KNTC1: variants seen among roughly 807,000 people sequenced by gnomAD.
KNTC1 encodes kinetochore associated 1, also known as kinetochore-associated protein 1.
In KNTC1, 253 loss-of-function variants were observed where a neutral mutation model predicts 314.4. The ratio of observed to expected loss-of-function variants is 0.80; its 90% CI spans 0.73 to 0.89. KNTC1 has a LOEUF of 0.89. KNTC1 is among the 40% of genes least tolerant of loss of function. The pLI is 0.00. For missense variants in KNTC1, 2,475 were observed against 2,572.9 expected, an observed-to-expected ratio of 0.96 and a Z score of 0.82; for synonymous variants, 901 against 901.4, an observed-to-expected ratio of 1.00 and a Z score of 0.01.
In KNTC1 at chr12:122,551,628, C is replaced by T. The variant is rs770439701; in HGVS notation, c.1204C>T (p.Arg402Trp). 1.2e-6 allele frequency: 2 copies of T among 1,613,396 alleles called. No homozygotes were observed. Among genetic ancestry groups the T allele is most frequent in the Non-Finnish European group, 1.7e-6 (2 of 1,179,534 alleles). Reference protein sequence around the residue: ...TEALPENRLSRLLHKHRFAEA... With the variant: ...TEALPENRLSWLLHKHRFAEA... ...TCTCTTCCAACTTAACAGATTGAGT[C>T]GGTTACTTCACAAACACAGATTTGC... Residue 402 changes from arginine to tryptophan, a missense_variant, in exon 16 of 64, where the codon CGG becomes TGG. Coordinates refer to ENST00000333479, the MANE Select transcript of KNTC1 (RefSeq NM_014708.6).
At position 122,580,708 on chromosome 12, in the gene KNTC1, C is replaced by T. The variant is rs374186629; in HGVS notation, c.2982+38C>T. 4.9e-5 allele frequency: 66 copies of T among 1,347,558 alleles called. No homozygotes were observed. The East Asian group carries it at 1.2e-3, about 25-fold the overall frequency. 83.5% of individuals were successfully genotyped at this position (1,347,558 alleles called of 1,614,324 possible). On this transcript the variant is annotated intron_variant, in intron 33 of 63. Coordinates refer to ENST00000333479, the MANE Select transcript of KNTC1 (RefSeq NM_014708.6). The stretch of plus-strand genomic sequence containing the variant: ...AGCCATGTTAAACATTATTACTTGA[C>T]CAATCAGTGCATTTTTCCCTCCTTA...
intron 2 of KNTC1, among the ~76,000 whole-genome samples, chr12:122,532,272 G>T (rs551279058): frequency 2.0e-4 from 29 of 143,640 alleles, no homozygotes; most frequent in Admixed American, 6.5e-4. Flanking sequence ...GCAGTGGCGT[G>T]ATCTTGGCTC....
Position 122,543,468 on chromosome 12 carries a change from G to A in KNTC1, c.524-132G>A, listed in dbSNP as rs577164206. Reference sequence around the variant, plus strand: ...GTCACAGTTAGCGTATTTTGGTCAGGGGCAAAACTTAATTCTCACCAGTGT... The same window carrying A: ...GTCACAGTTAGCGTATTTTGGTCAGAGGCAAAACTTAATTCTCACCAGTGT... On this transcript the variant is annotated intron_variant, in intron 6 of 63. Coordinates refer to ENST00000333479, the MANE Select transcript of KNTC1 (RefSeq NM_014708.6). 7.5e-6 allele frequency: 5 copies of A among 663,336 alleles called. No individual in the cohort carries two copies. In the South Asian group the frequency reaches 8.5e-5, roughly 11 times the overall value. The allele number at this position is 663,336 out of a possible 1,614,324, so 41.1% of individuals were successfully genotyped here.
intron 1 of KNTC1, among the ~76,000 whole-genome samples, chr12:122,529,733 A>G (rs747873764): frequency 2.6e-5 from 4 of 152,206 alleles, no homozygotes; most frequent in African/African-American, 4.8e-5. Context: ...TATAATTCCA[A>G]ACTAGACACA....
chr12:122,613,837 CTT>C (rs2138163293), intron 55 of KNTC1, 76 bp downstream of exon 55: 6 of 1,422,950 alleles, frequency 4.2e-6, no homozygotes, highest in Non-Finnish European at 5.6e-6. Flanking sequence ...CAGGAACAGT[CTT>C]TTTGTTGTTG....
rs373771355 is a variant in KNTC1 at position 122,551,490 on chromosome 12, T to G, written c.1163T>G (p.Leu388Arg). The change falls in exon 15 of 64, where the codon CTC becomes CGC. Residue 388 changes from leucine to arginine, a missense_variant. Coordinates refer to ENST00000333479, the MANE Select transcript of KNTC1 (RefSeq NM_014708.6). ...GAAGACTCAGTCTCTGTGTTAGTAC[T>G]CAGATGTCTTACGGAAGCTTTACCA... ...LSEDSVSVLVLRCLTEALPEN... is the reference protein window; with the variant it reads ...LSEDSVSVLVRRCLTEALPEN... 6.1e-5 allele frequency: 98 copies of G among 1,596,376 alleles called. No homozygotes were observed. The highest frequency in any genetic ancestry group is 7.7e-5 in the Non-Finnish European group (90 of 1,169,966).
chr12:122,603,107 A>G lies in KNTC1; in HGVS notation c.4965A>G (p.Thr1655=), dbSNP rs1872157455. The change falls in exon 48 of 64, where the codon ACA becomes ACG. Residue 1655 remains threonine (T), a synonymous_variant. Coordinates refer to ENST00000333479, the MANE Select transcript of KNTC1 (RefSeq NM_014708.6). ...KKLKPKLLKL[T]QAKSSTLINK... The stretch of plus-strand genomic sequence containing the variant: ...TGAAGCCAAAGCTCCTGAAGTTAAC[A>G]CAAGCTAAATCCTCAACACTGATTA... 7 of 1,613,766 alleles carry G rather than the reference A, an allele frequency of 4.3e-6. No individual in the cohort carries two copies. The highest frequency in any genetic ancestry group is 5.9e-6 in the Non-Finnish European group (7 of 1,179,852).
Position 122,544,244 on chromosome 12 carries a change from C to T in KNTC1, c.644C>T (p.Ala215Val). The change falls in exon 8 of 64, where the codon GCA (alanine) becomes GTA (valine). Residue 215 changes from alanine (A) to valine (V), a missense_variant. Ala to Val is a moderately conservative substitution (Grantham distance 64). Coordinates refer to ENST00000333479, the MANE Select transcript of KNTC1 (RefSeq NM_014708.6). ...CTCAGTCTTGTGGCTGGAGATTTAGCAAGTGAAGTTCCTGTGATAATTGGG... is the reference window on the plus strand; with the variant it reads ...CTCAGTCTTGTGGCTGGAGATTTAGTAAGTGAAGTTCCTGTGATAATTGGG... ...GCLSLVAGDL[A>V]SEVPVIIGGT... 3 of 1,574,328 alleles carry T rather than the reference C, an allele frequency of 1.9e-6. No individual in the cohort carries two copies. Among genetic ancestry groups the T allele is most frequent in the East Asian group, 2.3e-5 (1 of 43,588 alleles).
Position 122,577,778 on chromosome 12 carries a change from A to G in KNTC1, c.2828A>G (p.Asp943Gly), listed in dbSNP as rs1206628053. 2 of 1,612,756 alleles carry G rather than the reference A, an allele frequency of 1.2e-6. No homozygotes were observed. The highest frequency in any genetic ancestry group is 2.2e-5 in the South Asian group (2 of 90,798). ...WARLALQEEP[D>G]HSKEGKAWRM... is the part of the protein sequence containing the mutation. ...CGACTGGCATTACAAGAAGAGCCAG[A>G]TCATTCTAAAGAGGTGACATTTTCA... Residue 943 changes from aspartate (D) to glycine (G), a missense_variant, in exon 31 of 64, where the codon GAT (aspartate) becomes GGT (glycine). Physicochemically the swap from Asp to Gly is moderately conservative, Grantham distance 94 (BLOSUM62 -1). Transcript: ENST00000333479.
chr12:122,568,327 AG>A lies in KNTC1; in HGVS notation c.1672del (p.Glu558LysfsTer24). ...TTAAAGATATTTTTTTACAGCTAAA[AG>A]AAGGAAACCTTGTTTGTGCACAGTA... ...DLKDIFLQLK[E>X]GNLVCAQYLW... On this transcript the variant is annotated frameshift_variant, in exon 21 of 64. Coordinates refer to ENST00000333479, the MANE Select transcript of KNTC1 (RefSeq NM_014708.6). LOFTEE classifies it high-confidence loss of function. 1 of 1,603,496 alleles carries A rather than the reference AG, an allele frequency of 6.2e-7. No homozygotes were observed.
rs759307322 is a variant in KNTC1 at position 122,579,947 on chromosome 12, A to G, written c.2884A>G (p.Ile962Val). 4.3e-6 allele frequency: 7 copies of G among 1,610,510 alleles called. No individual in the cohort carries two copies. The African/African-American group carries it at 5.3e-5, about 12-fold the overall frequency. The change falls in exon 32 of 64, where the codon ATT becomes GTT. Residue 962 changes from isoleucine to valine, a missense_variant. Transcript: ENST00000333479. ...RMSVAKTSVD[I>V]LKILCDIQKD... ...GTCTGTAGCGAAGACATCCGTGGAC[A>G]TTCTTAAGATACTATGTGACATTCA...
chr12:122,615,297 GGTTCCCTA>G (rs967727124), intron 56 of KNTC1, among the ~76,000 whole-genome samples, 165 bp from the exon 57 acceptor site: 37 of 152,182 alleles, frequency 2.4e-4, no homozygotes, highest in Admixed American at 6.5e-4. Context: ...ACAAATGGAA[GGTTCCCTA>G]GCCTTTTTTG....
At chr12:122,532,421 A>G (rs1961430655) in intron 2 of KNTC1, among the ~76,000 whole-genome samples, 1 of 151,622 alleles carries the variant, frequency 6.6e-6, no homozygotes, top group African/African-American at 2.4e-5. Flanking sequence ...GTTGAGCAGG[A>G]TGGTCTCGAT....
At position 122,584,902 on chromosome 12, in the gene KNTC1, T is replaced by C; in HGVS notation, c.3446T>C (p.Leu1149Pro). ...AATICSPDFL[L>P]DALELCKHTL... is the part of the protein sequence containing the mutation. ...CTCCATTTTGTTTCAGATTTTTTAC[T>C]AGATGCTTTAGAACTATGTAAACAT... is the stretch of plus-strand genomic sequence containing the variant. The change falls in exon 36 of 64, where the codon CTA becomes CCA. Residue 1149 changes from leucine to proline, a missense_variant. Transcript: ENST00000333479. 1 of 1,534,080 alleles carries C rather than the reference T, an allele frequency of 6.5e-7. No homozygotes were observed. Among genetic ancestry groups the C allele is most frequent in the Non-Finnish European group, 9.0e-7 (1 of 1,112,406 alleles).
At chr12:122,554,076 A>ATATATATATATATATATATATATATATAT (rs1555224817) in intron 16 of KNTC1, among the ~76,000 whole-genome samples, 2 of 109,062 alleles carry the variant, frequency 1.8e-5, no homozygotes, top group Admixed American at 9.8e-5. Context: ...AAAAAAAAAA[A>ATATATATATATATATATATATATATATAT]ATATATATAT....
At chr12:122,551,222 G>T in intron 13 of KNTC1, 97 bp from the exon 14 acceptor site, 1 of 790,104 alleles carries the variant, frequency 1.3e-6, no homozygotes, top group Non-Finnish European at 2.1e-6. Context: ...AAAGTCCATT[G>T]ATGGATAATT....
intron 33 of KNTC1, 58 bp downstream of exon 33, chr12:122,580,728 T>C: frequency 8.2e-7 from 1 of 1,214,448 alleles, no homozygotes; most frequent in Non-Finnish European, 1.2e-6. Context: ...CATTTTTCCC[T>C]CCTTAAAGTT....
At chr12:122,603,981 A>C (rs1432622838) in intron 48 of KNTC1, among the ~76,000 whole-genome samples, 1 of 152,164 alleles carries the variant, frequency 6.6e-6, no homozygotes, top group Non-Finnish European at 1.5e-5. Context: ...GCTGATTTGG[A>C]GAGATATCCA....
intron 16 of KNTC1, among the ~76,000 whole-genome samples, chr12:122,556,090 A>G (rs576902885): frequency 7.3e-5 from 11 of 151,608 alleles, no homozygotes; most frequent in African/African-American, 2.2e-4. Flanking sequence ...TTGGCTCACT[A>G]CAACCTCCAC....
Sources: gnomAD v4.1 joint callset for allele counts (sites outside exome capture counted in the v4.1 genomes callset) on GRCh38, gnomAD v4.1.1 for gene constraint, MANE v1.5 for transcripts, NCBI Gene and HGNC (gene_info 2026-07-23, HGNC 2026-07-21) for gene names.